Variants in EVA1C observed in about 807,000 individuals in gnomAD.
The protein encoded by EVA1C is eva-1 homolog C.
Under a neutral mutation model 45.4 loss-of-function variants are expected in EVA1C, and 25 were observed. The ratio of observed to expected loss-of-function variants is 0.55; its 90% CI spans 0.40 to 0.77. The LOEUF (loss-of-function observed/expected upper bound fraction) is 0.77. Among genes scored for constraint, EVA1C ranks in the 30% least tolerant of loss-of-function variants. The pLI, the probability that EVA1C is intolerant of heterozygous loss-of-function variation, is 0.00. For missense variants in EVA1C, 479 were observed against 554.8 expected (o/e 0.86, Z 1.37); for synonymous variants, 190 against 221.2 (o/e 0.86, Z 1.25).
At chr21:32,502,577 C>T (rs952202298) in intron 6 of EVA1C, among the ~76,000 whole-genome samples, 2 of 152,024 alleles carry the variant, frequency 1.3e-5, no homozygotes, top group African/African-American at 4.8e-5. Flanking sequence ...AGAGTTTTGT[C>T]TTGTGTTACC....
intron 1 of EVA1C, among the ~76,000 whole-genome samples, chr21:32,451,825 G>C (rs1468115846): frequency 6.6e-6 from 1 of 152,108 alleles, no homozygotes; most frequent in African/African-American, 2.4e-5. Flanking sequence ...ATGGTGTTAA[G>C]GGCCCACCTT....
Position 32,412,941 on chromosome 21 carries a change from C to A in EVA1C, c.88C>A (p.Gln30Lys), listed in dbSNP as rs1232270586. 6.5e-7 allele frequency: 1 copy of A among 1,544,970 alleles called. No individual in the cohort carries two copies. Among genetic ancestry groups the A allele is most frequent in the Non-Finnish European group, 8.7e-7 (1 of 1,148,092 alleles). Residue 30 changes from glutamine (Q) to lysine (K), a missense_variant, in exon 1 of 8, where the codon CAG becomes AAG. Gln to Lys is a moderately conservative substitution (Grantham distance 53, BLOSUM62 1). Transcript: ENST00000300255. ...GLRRQVEPPG[Q>K]LLRLFYCTVL... is the part of the protein sequence containing the mutation. ...CCGCCGGCAGGTAGAGCCGCCGGGG[C>A]AGCTCCTGCGCCTCTTCTACTGCAC... is the stretch of plus-strand genomic sequence containing the variant.
At chr21:32,505,644 G>A (rs2037701710) in intron 7 of EVA1C, among the ~76,000 whole-genome samples, 1 of 152,172 alleles carries the variant, frequency 6.6e-6, no homozygotes, top group Non-Finnish European at 1.5e-5. Context: ...CACCGTTCTG[G>A]AGGCCAGAAT....
At chr21:32,484,955 TACTGC>T (rs1568933688) in intron 4 of EVA1C, among the ~76,000 whole-genome samples, 1 of 152,154 alleles carries the variant, frequency 6.6e-6, no homozygotes, top group East Asian at 1.9e-4. Context: ...TTTTTTTTTT[TACTGC>T]ACAAGCATTG....
chr21:32,439,823 T>G (rs1009194072), intron 1 of EVA1C, among the ~76,000 whole-genome samples: 1 of 152,008 alleles, frequency 6.6e-6, no homozygotes, highest in African/African-American at 2.4e-5. Context: ...ATAGTGCTAC[T>G]CTCCAAATGT....
intron 2 of EVA1C, among the ~76,000 whole-genome samples, chr21:32,455,456 G>T (rs982529158): frequency 2.6e-5 from 4 of 152,078 alleles, no homozygotes; most frequent in African/African-American, 9.6e-5. Flanking sequence ...TTTTGGGGGG[G>T]ATAAACATTC....
At chr21:32,421,752 G>C (rs764657202) in intron 1 of EVA1C, among the ~76,000 whole-genome samples, 1 of 152,182 alleles carries the variant, frequency 6.6e-6, no homozygotes, top group Admixed American at 6.5e-5. Flanking sequence ...TAATAAAAGA[G>C]AGAATCTAGG....
chr21:32,445,024 A>C (rs1005234274), intron 1 of EVA1C, among the ~76,000 whole-genome samples: 2 of 152,216 alleles, frequency 1.3e-5, no homozygotes, highest in African/African-American at 4.8e-5. Context: ...TAATCATTTT[A>C]GGGGGTTTAT....
intron 1 of EVA1C, among the ~76,000 whole-genome samples, chr21:32,425,033 G>T (rs919641927): frequency 5.3e-5 from 8 of 151,974 alleles, no homozygotes; most frequent in Admixed American, 6.6e-5. Flanking sequence ...TTTGTAGGGT[G>T]GGTGCAGTGG....
At chr21:32,504,592 A>G (rs149058748) in intron 7 of EVA1C, among the ~76,000 whole-genome samples, 27 of 152,242 alleles carry the variant, frequency 1.8e-4, no homozygotes, top group African/African-American at 6.5e-4. Context: ...GGTATGTACA[A>G]TTTTTCCTCA....
At chr21:32,424,842 TGAC>T (rs2034425788) in intron 1 of EVA1C, among the ~76,000 whole-genome samples, 1 of 152,138 alleles carries the variant, frequency 6.6e-6, no homozygotes, top group African/African-American at 2.4e-5. Context: ...ATGATGATGA[TGAC>T]GTGATGATGA....
chr21:32,510,197 C>T (rs556604252), intron 7 of EVA1C, among the ~76,000 whole-genome samples: 12 of 151,806 alleles, frequency 7.9e-5, no homozygotes, highest in East Asian at 3.9e-4. Context: ...TACAGGCGCA[C>T]GCCACCACCC....
intron 4 of EVA1C, among the ~76,000 whole-genome samples, chr21:32,488,818 C>G (rs572009068): frequency 2.4e-4 from 37 of 152,070 alleles, no homozygotes; most frequent in South Asian, 8.3e-4. Flanking sequence ...ACTCCTGACC[C>G]CAGGTGATCC....
At chr21:32,456,945 T>C (rs1177304485) in intron 2 of EVA1C, among the ~76,000 whole-genome samples, 1 of 152,144 alleles carries the variant, frequency 6.6e-6, no homozygotes, top group African/African-American at 2.4e-5. Flanking sequence ...AGGAAAGCCT[T>C]TACTGCCAAT....
At chr21:32,476,143 CTT>C (rs566574081) in intron 4 of EVA1C, among the ~76,000 whole-genome samples, 3 of 148,886 alleles carry the variant, frequency 2.0e-5, no homozygotes, top group Admixed American at 1.3e-4. Context: ...GCTTTTGCCT[CTT>C]TTTTTTTTCC....
At position 32,474,677 on chromosome 21, in the gene EVA1C, C is replaced by T. The variant is rs2036492954; in HGVS notation, c.634+6829C>T. Among the ~76,000 whole-genome samples, 1 of 152,196 alleles carries T rather than the reference C, an allele frequency of 6.6e-6. No homozygotes were observed. The highest frequency in any genetic ancestry group is 1.5e-5 in the Non-Finnish European group (1 of 68,044). On this transcript the variant is annotated intron_variant, in intron 4 of 7. Coordinates refer to ENST00000300255, the MANE Select transcript of EVA1C (RefSeq NM_058187.5). This position sits in a 1 kb window ranked among gnomAD's most constrained non-coding sequence, Gnocchi z 4.4. Reference sequence around the variant, plus strand: ...AGCAGTGCCAGGCATAGAGTGGGTGCTCACGTGAATCTTGAGGCACAGGAA... The same window carrying T: ...AGCAGTGCCAGGCATAGAGTGGGTGTTCACGTGAATCTTGAGGCACAGGAA...
intron 1 of EVA1C, among the ~76,000 whole-genome samples, chr21:32,426,706 T>C (rs2034502071): frequency 6.6e-6 from 1 of 152,128 alleles, no homozygotes; most frequent in South Asian, 2.1e-4. Flanking sequence ...TCCTCTGAAA[T>C]GGTAACTACC....
At position 32,417,909 on chromosome 21, in the gene EVA1C, C is replaced by G. The variant is rs547162349; in HGVS notation, c.160+4896C>G. Among the ~76,000 whole-genome samples, 17 of 152,196 alleles carry G rather than the reference C, an allele frequency of 1.1e-4. No individual in the cohort carries two copies. In the East Asian group the frequency reaches 2.9e-3, roughly 26 times the overall value. On this transcript the variant is annotated intron_variant, in intron 1 of 7. Transcript: ENST00000300255. The stretch of plus-strand genomic sequence containing the variant: ...AGTCACTGATCTCTTTTTGAAAGCT[C>G]CCCAGGCAATTCTAATATGCAGCTA...
intron 1 of EVA1C, among the ~76,000 whole-genome samples, chr21:32,447,081 C>T (rs937405588): frequency 3.3e-5 from 5 of 152,170 alleles, no homozygotes; most frequent in African/African-American, 4.8e-5. Flanking sequence ...TCAAACTTGT[C>T]GGACCATAAC....
Sources: gnomAD v4.1 joint callset for allele counts (sites outside exome capture counted in the v4.1 genomes callset) on GRCh38, gnomAD v4.1.1 for gene constraint, Gnocchi (gnomAD v3.1) non-coding constraint, MANE v1.5 for transcripts, NCBI Gene and HGNC (gene_info 2026-07-23, HGNC 2026-07-21) for gene names.